The following SLC24A2 variants were observed in gnomAD, a reference collection of about 807,000 sequenced individuals.
The protein encoded by SLC24A2 is solute carrier family 24 member 2.
A neutral mutation model predicts 62.0 loss-of-function variants in SLC24A2; 36 were observed. The ratio of observed to expected loss-of-function variants is 0.58; its 90% CI spans 0.44 to 0.77. The LOEUF (loss-of-function observed/expected upper bound fraction) is 0.77, where lower values mean the gene tolerates loss of function less well. Among genes scored for constraint, SLC24A2 ranks in the 30% least tolerant of loss-of-function variants. SLC24A2 has a pLI of 0.00. For synonymous variants in SLC24A2, 358 were observed against 294.0 expected (o/e 1.22, Z -2.23); for missense variants, 846 against 817.9 (o/e 1.03, Z -0.42).
chr9:19,960,514 T>A, the SLC24A2 span, among the ~76,000 whole-genome samples: 15 of 152,194 alleles, frequency 9.9e-5, no homozygotes, highest in African/African-American at 3.6e-4. Flanking sequence ...GGGCTGCTAT[T>A]GTGTGGGCTA....
At chr9:19,795,573 GT>G in the SLC24A2 span, among the ~76,000 whole-genome samples, 269 of 151,698 alleles carry the variant, frequency 1.8e-3, 2 homozygotes, top group African/African-American at 5.7e-3. Context: ...GTTTTTTAAA[GT>G]TTTTTTTTCC....
the SLC24A2 span, among the ~76,000 whole-genome samples, chr9:19,902,663 G>T: frequency 6.6e-6 from 1 of 151,988 alleles, no homozygotes; most frequent in Non-Finnish European, 1.5e-5. Context: ...CTAAGTCTCT[G>T]GAATTTTCAC....
chr9:20,255,774 A>G, the SLC24A2 span, among the ~76,000 whole-genome samples: 1 of 152,228 alleles, frequency 6.6e-6, no homozygotes, highest in African/African-American at 2.4e-5. Context: ...GAACACATTC[A>G]GGTTAAAAGG....
chr9:19,619,751 G>T, intron 3 of SLC24A2, 59 bp from the exon 4 acceptor site: 1 of 1,278,510 alleles, frequency 7.8e-7, no homozygotes, highest in Non-Finnish European at 1.1e-6. Context: ...GTGCATTATA[G>T]ACAAGATCCT....
At chr9:19,609,623 T>C (rs983386792) in intron 4 of SLC24A2, among the ~76,000 whole-genome samples, 42 of 152,224 alleles carry the variant, frequency 2.8e-4, no homozygotes, top group African/African-American at 1.0e-3. Context: ...AGTTCTTAAA[T>C]ATTTCTTTTG....
At chr9:20,265,007 C>T in the SLC24A2 span, among the ~76,000 whole-genome samples, 2 of 152,212 alleles carry the variant, frequency 1.3e-5, no homozygotes, top group Non-Finnish European at 2.9e-5. Flanking sequence ...CCTGGTACAT[C>T]TGGGTCTATT....
At chr9:19,806,649 A>G in the SLC24A2 span, among the ~76,000 whole-genome samples, 11 of 152,308 alleles carry the variant, frequency 7.2e-5, no homozygotes, top group Middle Eastern at 3.4e-3. Flanking sequence ...GAGTTAATCT[A>G]TTAATATAAC....
the SLC24A2 span, among the ~76,000 whole-genome samples, chr9:19,818,704 A>G: frequency 6.6e-6 from 1 of 152,180 alleles, no homozygotes; most frequent in Non-Finnish European, 1.5e-5. Flanking sequence ...TAGATGACAC[A>G]AACAAATGGA....
the SLC24A2 span, among the ~76,000 whole-genome samples, chr9:20,283,875 T>G: frequency 6.6e-6 from 1 of 152,118 alleles, no homozygotes; most frequent in Non-Finnish European, 1.5e-5. Flanking sequence ...GGCAGCGTGT[T>G]TAGGGAGTTA....
the SLC24A2 span, among the ~76,000 whole-genome samples, chr9:20,257,382 T>C: frequency 2.6e-5 from 4 of 152,330 alleles, no homozygotes; most frequent in Admixed American, 6.5e-5. Flanking sequence ...TCAGTCAAAT[T>C]GTAAGTCCTG....
chr9:19,980,563 AAT>A, the SLC24A2 span, among the ~76,000 whole-genome samples: 2,008 of 152,222 alleles, frequency 0.013, 49 homozygotes, highest in African/African-American at 0.046. Flanking sequence ...ATTTTACTCA[AAT>A]TCCCACCAAT....
At chr9:19,877,978 C>G in the SLC24A2 span, among the ~76,000 whole-genome samples, 2 of 152,124 alleles carry the variant, frequency 1.3e-5, no homozygotes, top group East Asian at 3.9e-4. Context: ...ATCTATGAGG[C>G]TTGGGGGTAA....
At chr9:19,696,522 G>T (rs1243563897) in intron 2 of SLC24A2, among the ~76,000 whole-genome samples, 1 of 152,088 alleles carries the variant, frequency 6.6e-6, no homozygotes, top group Non-Finnish European at 1.5e-5. Flanking sequence ...AAAGTAACTG[G>T]GATGTGTATT....
the SLC24A2 span, among the ~76,000 whole-genome samples, chr9:20,124,176 C>T: frequency 2.0e-5 from 3 of 152,012 alleles, no homozygotes; most frequent in Non-Finnish European, 4.4e-5. Flanking sequence ...CATAACTATA[C>T]GATTCCTCCC....
At position 19,513,188 on chromosome 9, in the gene SLC24A2, A is replaced by ATATATATGTATG. The variant is rs1231507740; in HGVS notation, c.*2964_*2965insCATACATATATA. On this transcript the variant is annotated 3_prime_UTR_variant, in exon 11 of 11. Transcript: ENST00000341998. ...TATATATATATATGTATATATATAT[A>ATATATATGTATG]TATGTATATATTTATATATGTATAT... 7.1e-6 allele frequency: 1 copy of ATATATATGTATG among 140,444 alleles called. No individual in the cohort carries two copies. Among genetic ancestry groups the ATATATATGTATG allele is most frequent in the Non-Finnish European group, 1.5e-5 (1 of 65,800 alleles). 8.7% of individuals were successfully genotyped at this position (140,444 alleles called of 1,614,324 possible). A position where few individuals can be genotyped will look rare whatever the true frequency, so the allele number is the denominator to read the frequency against.
chr9:20,053,370 G>C, the SLC24A2 span, among the ~76,000 whole-genome samples: 2 of 152,156 alleles, frequency 1.3e-5, no homozygotes, highest in African/African-American at 2.4e-5. Flanking sequence ...TTTGAGGAGA[G>C]GGTAACTTTT....
the SLC24A2 span, among the ~76,000 whole-genome samples, chr9:20,158,359 T>C: frequency 6.6e-6 from 1 of 151,628 alleles, no homozygotes; most frequent in African/African-American, 2.4e-5. Context: ...AGCGGAGCCT[T>C]TAGTAGGTGA....
the SLC24A2 span, among the ~76,000 whole-genome samples, chr9:20,198,670 A>T: frequency 4.2e-5 from 6 of 143,410 alleles, no homozygotes; most frequent in African/African-American, 7.7e-5. Context: ...TCTCTCTCTC[A>T]CTCTCTCTCT....
the SLC24A2 span, among the ~76,000 whole-genome samples, chr9:19,916,182 G>A: frequency 3.3e-5 from 5 of 151,932 alleles, no homozygotes; most frequent in Non-Finnish European, 5.9e-5. Flanking sequence ...TCATTTAGTG[G>A]TCTTGGAATC....
Sources: allele counts gnomAD v4.1 joint callset (sites outside exome capture counted in the v4.1 genomes callset), GRCh38; gene constraint gnomAD v4.1.1; transcripts MANE v1.5; gene names NCBI Gene and HGNC (gene_info 2026-07-23, HGNC 2026-07-21).